The following PKHD1L1 variants were observed in gnomAD, a reference collection of about 807,000 sequenced individuals.
The protein encoded by PKHD1L1 is fibrocystin-L.
PKHD1L1 carries 434 observed loss-of-function variants against 462.9 expected under a neutral mutation model. The ratio of observed to expected loss-of-function variants is 0.94; its 90% CI spans 0.87 to 1.02. The LOEUF (loss-of-function observed/expected upper bound fraction) is 1.02. Among genes scored for constraint, PKHD1L1 ranks in the 50% least tolerant of loss-of-function variants. The probability of loss-of-function intolerance (pLI) is 0.00; values close to 1 mark genes in which losing one functional copy is unlikely to be tolerated. For synonymous variants in PKHD1L1, 1,781 were observed against 1,750.0 expected, an observed-to-expected ratio of 1.02 and a Z score of -0.44; for missense variants, 5,202 against 5,096.1, an observed-to-expected ratio of 1.02 and a Z score of -0.63.
chr8:109,459,101 G>T (rs921068529), intron 46 of PKHD1L1, among the ~76,000 whole-genome samples: 1 of 152,086 alleles, frequency 6.6e-6, no homozygotes, highest in African/African-American at 2.4e-5. Context: ...CTCAACTTGT[G>T]CATGACTGAA....
Position 109,362,519 on chromosome 8 carries a change from G to C in PKHD1L1, c.-62G>C. 1 of 1,479,622 alleles carries C rather than the reference G, an allele frequency of 6.8e-7. No individual in the cohort carries two copies. Among genetic ancestry groups the C allele is most frequent in the Admixed American group, 2.0e-5 (1 of 50,948 alleles). The allele number at this position is 1,479,622 out of a possible 1,614,324, so 91.7% of individuals were successfully genotyped here. On this transcript the variant is annotated 5_prime_UTR_variant, in exon 1 of 78. Coordinates refer to ENST00000378402, the MANE Select transcript of PKHD1L1 (RefSeq NM_177531.6). The stretch of plus-strand genomic sequence containing the variant: ...CCAGCGAGTCGCAGTCCCAGGAGCC[G>C]AGCTCCAGCACTAGAGCCAGCTGCG...
intron 11 of PKHD1L1, among the ~76,000 whole-genome samples, chr8:109,397,614 C>T (rs1013120874): frequency 1.3e-5 from 2 of 152,126 alleles, no homozygotes. Context: ...TGCTTGAACC[C>T]AGGAGGTGGA....
rs1465189161 is a variant in PKHD1L1, at chr8:109,530,837, T to C, written c.*747T>C. Among the ~76,000 whole-genome samples, 1 of 152,142 alleles carries C rather than the reference T, an allele frequency of 6.6e-6. No homozygotes were observed. The highest frequency in any genetic ancestry group is 1.5e-5 in the Non-Finnish European group (1 of 68,010). On this transcript the variant is annotated 3_prime_UTR_variant, in exon 78 of 78. Coordinates refer to ENST00000378402, the MANE Select transcript of PKHD1L1 (RefSeq NM_177531.6). ...TCAACCCCGGGCATGAGTTGAGGGT[T>C]GAGGGGTTCCCTTAACTGGTGGATG...
At chr8:109,431,519 C>A (rs1815099750) in intron 27 of PKHD1L1, among the ~76,000 whole-genome samples, 1 of 151,844 alleles carries the variant, frequency 6.6e-6, no homozygotes, top group Non-Finnish European at 1.5e-5. Flanking sequence ...ATTTTAAATA[C>A]CTTTTGTATA....
chr8:109,380,962 G>A (rs1402213386), intron 2 of PKHD1L1, among the ~76,000 whole-genome samples: 2 of 152,128 alleles, frequency 1.3e-5, no homozygotes, highest in Non-Finnish European at 2.9e-5. Flanking sequence ...TAGGCTCACA[G>A]TAGGCTCTCT....
At chr8:109,376,692 A>G (rs998009231) in intron 2 of PKHD1L1, among the ~76,000 whole-genome samples, 2 of 152,194 alleles carry the variant, frequency 1.3e-5, no homozygotes, top group African/African-American at 2.4e-5. Flanking sequence ...GCAGGTGTCT[A>G]CTGAGATCTT....
At chr8:109,411,437 C>G (rs1250523452) in intron 19 of PKHD1L1, among the ~76,000 whole-genome samples, 3 of 152,092 alleles carry the variant, frequency 2.0e-5, no homozygotes, top group Non-Finnish European at 4.4e-5. Flanking sequence ...GAGAAAAAAT[C>G]TTTCCATTTA....
chr8:109,512,594 T>C (rs1395990510), intron 71 of PKHD1L1, among the ~76,000 whole-genome samples: 1 of 151,156 alleles, frequency 6.6e-6, no homozygotes, highest in Non-Finnish European at 1.5e-5. Context: ...TTTTGGTTAC[T>C]GTAGCCTTGT....
At chr8:109,490,445 T>C (rs1818771481) in intron 60 of PKHD1L1, among the ~76,000 whole-genome samples, 2 of 151,700 alleles carry the variant, frequency 1.3e-5, no homozygotes, top group Admixed American at 6.6e-5. Flanking sequence ...AGTGGGAAAA[T>C]AAATATTCTG....
Position 109,436,470 on chromosome 8 carries a change from T to A in PKHD1L1, c.3627+11T>A, listed in dbSNP as rs1228837982. On this transcript the variant is annotated intron_variant, in intron 30 of 77. Transcript: ENST00000378402. Reference sequence around the variant, plus strand: ...TGCAGGACACCAAAAGTAAGGCCTCTGATTTCAGTCACTTTTTCCTCCTAA... The same window carrying A: ...TGCAGGACACCAAAAGTAAGGCCTCAGATTTCAGTCACTTTTTCCTCCTAA... 1 of 1,611,066 alleles carries A rather than the reference T, an allele frequency of 6.2e-7. No homozygotes were observed. Among genetic ancestry groups the A allele is most frequent in the Non-Finnish European group, 8.5e-7 (1 of 1,179,162 alleles).
Position 109,479,988 on chromosome 8 carries a change from T to C in PKHD1L1, c.9179-3T>C, listed in dbSNP as rs745371074. The stretch of plus-strand genomic sequence containing the variant: ...TTATATTTCTTAAAGTATTGTTTTA[T>C]AGGAACATGGATTGTAGCTGACATA... On this transcript the variant is annotated splice_polypyrimidine_tract_variant and splice_region_variant and intron_variant, in intron 54 of 77. Coordinates refer to ENST00000378402, the MANE Select transcript of PKHD1L1 (RefSeq NM_177531.6). The C allele has an allele frequency of 1.3e-6, 2 of 1,562,640 alleles. No individual in the cohort carries two copies. Among genetic ancestry groups the C allele is most frequent in the Non-Finnish European group, 1.7e-6 (2 of 1,161,672 alleles).
Position 109,445,857 on chromosome 8 carries a change from T to A in PKHD1L1, c.5776+212T>A, listed in dbSNP as rs114395678. 6.2e-3 allele frequency among the ~76,000 whole-genome samples: 937 copies of A among 152,318 alleles called. 12 individuals are homozygous for A. Among genetic ancestry groups the A allele is most frequent in the African/African-American group, 0.022 (901 of 41,580 alleles). On this transcript the variant is annotated intron_variant, in intron 38 of 77. Transcript: ENST00000378402. ...ATAACAATTTTAGCCAAATTTCAAC[T>A]TCTATTTAGGAACAAAATTCCCATT...
intron 23 of PKHD1L1, among the ~76,000 whole-genome samples, chr8:109,423,198 A>G (rs949039696): frequency 2.6e-5 from 4 of 151,844 alleles, no homozygotes; most frequent in Admixed American, 6.6e-5. Context: ...TTTTGGTTTC[A>G]AGTCTAAGAA....
At position 109,381,411 on chromosome 8, in the gene PKHD1L1, G is replaced by A. The variant is rs189907709; in HGVS notation, c.205G>A (p.Ala69Thr). Residue 69 changes from alanine (A) to threonine (T), a missense_variant, in exon 3 of 78, where the codon GCT (alanine) becomes ACT (threonine). By Grantham distance (58) the Ala-to-Thr change is moderately conservative (BLOSUM62 0). This residue lies in a region of PKHD1L1 where 4,497 missense variants were observed against 4,336.8 expected (regional missense o/e 1.04). Transcript: ENST00000378402. The part of the protein sequence containing the change: ...ANQFNYGVDN[A>T]ELGNSVQLIS... ...CCAGTTTAACTATGGAGTTGATAACGCTGAGTTGGGAAACAGTGTGCAATT... is the reference window on the plus strand; with the variant it reads ...CCAGTTTAACTATGGAGTTGATAACACTGAGTTGGGAAACAGTGTGCAATT... The A allele has an allele frequency of 2.3e-5, 37 of 1,581,954 alleles. No homozygotes were observed. The highest frequency in any genetic ancestry group is 3.1e-5 in the Non-Finnish European group (36 of 1,162,246).
At position 109,398,497 on chromosome 8, in the gene PKHD1L1, A is replaced by G. The variant is rs191706684; in HGVS notation, c.961A>G (p.Ile321Val). ...CDILNVTENS[I>V]CCKTPPKPHI... is the part of the protein sequence containing the mutation. Reference sequence around the variant, plus strand: ...TATTTTGAATGTCACAGAAAATAGTATATGTTGCAAGACACCCCCCAAACC... The same window carrying G: ...TATTTTGAATGTCACAGAAAATAGTGTATGTTGCAAGACACCCCCCAAACC... The change falls in exon 12 of 78, where the codon ATA (isoleucine) becomes GTA (valine). Residue 321 changes from isoleucine (I) to valine (V), a missense_variant. Coordinates refer to ENST00000378402, the MANE Select transcript of PKHD1L1 (RefSeq NM_177531.6). 1.3e-5 allele frequency: 21 copies of G among 1,572,438 alleles called. No homozygotes were observed. Among genetic ancestry groups the G allele is most frequent in the Admixed American group, 3.6e-5 (2 of 55,068 alleles).
chr8:109,413,053 C>T (rs1477828233), intron 20 of PKHD1L1, among the ~76,000 whole-genome samples: 1 of 152,066 alleles, frequency 6.6e-6, no homozygotes, highest in East Asian at 1.9e-4. Context: ...TTTAATCTGC[C>T]TGAATGTTTA....
intron 55 of PKHD1L1, among the ~76,000 whole-genome samples, chr8:109,481,145 C>T (rs1411458318): frequency 6.6e-6 from 1 of 151,794 alleles, no homozygotes; most frequent in Non-Finnish European, 1.5e-5. Flanking sequence ...ATATTACTTT[C>T]AAATACATTA....
At chr8:109,517,404 G>C (rs1197747144) in intron 72 of PKHD1L1, among the ~76,000 whole-genome samples, 2 of 152,134 alleles carry the variant, frequency 1.3e-5, no homozygotes, top group East Asian at 3.9e-4. Flanking sequence ...ACAATGAAAT[G>C]TGGTAAGAAG....
intron 56 of PKHD1L1, among the ~76,000 whole-genome samples, chr8:109,482,567 C>T (rs556279570): frequency 1.4e-4 from 22 of 151,786 alleles, no homozygotes; most frequent in East Asian, 1.2e-3. Context: ...TATATTATTA[C>T]GCAGTTTTCT....
Sources: gnomAD v4.1 joint callset for allele counts (sites outside exome capture counted in the v4.1 genomes callset) on GRCh38, gnomAD v4.1.1 for gene constraint, gnomAD v4.1.1 regional missense constraint, MANE v1.5 for transcripts, NCBI Gene and HGNC (gene_info 2026-07-23, HGNC 2026-07-21) for gene names.